The following CES1 variants were observed in gnomAD, a reference collection of about 807,000 sequenced individuals.
CES1 encodes carboxylesterase 1, also known as liver carboxylesterase 1.
In CES1, 50 loss-of-function variants were observed where a neutral mutation model predicts 53.0. That is an observed-to-expected ratio of 0.94 (90% confidence interval 0.75 to 1.19). CES1 has a LOEUF of 1.19. Among genes scored for constraint, CES1 ranks in the 50% most tolerant of loss-of-function variants. CES1 has a pLI of 0.00. For missense variants in CES1, 534 were observed against 538.0 expected (o/e 0.99, Z 0.07); for synonymous variants, 202 against 210.1 (o/e 0.96, Z 0.33).
chr16:55,815,459 A>C (rs1310402246), intron 8 of CES1, among the ~76,000 whole-genome samples: 1 of 152,248 alleles, frequency 6.6e-6, no homozygotes, highest in Non-Finnish European at 1.5e-5. Context: ...GTTGGGTGAC[A>C]GCCATGCTGG....
chr16:55,811,676 A>G (rs1200535730), intron 9 of CES1, among the ~76,000 whole-genome samples: 1 of 152,166 alleles, frequency 6.6e-6, no homozygotes, highest in Non-Finnish European at 1.5e-5. Context: ...GCTCCAGCCA[A>G]AACCTGGAGA....
intron 7 of CES1, among the ~76,000 whole-genome samples, chr16:55,819,332 A>T (rs1187210933): frequency 6.6e-6 from 1 of 152,230 alleles, no homozygotes; most frequent in Non-Finnish European, 1.5e-5. Context: ...ATTGTTACAC[A>T]ATTTTTTATC....
At chr16:55,810,096 G>C (rs2031620541) in intron 11 of CES1, among the ~76,000 whole-genome samples, 1 of 152,130 alleles carries the variant, frequency 6.6e-6, no homozygotes, top group Non-Finnish European at 1.5e-5. Flanking sequence ...TTCAACCAAT[G>C]ACAAGTAGAA....
At chr16:55,830,025 C>T (rs2032576613) in intron 1 of CES1, among the ~76,000 whole-genome samples, 1 of 152,210 alleles carries the variant, frequency 6.6e-6, no homozygotes, top group South Asian at 2.1e-4. Context: ...CTCTGAGCTT[C>T]CCTCCTAGGA....
chr16:55,830,773 A>AGAAGGAAGGAAGGAAGGAAGGAAG lies in CES1; in HGVS notation c.53-1823_53-1800dup, dbSNP rs1200351837. 2.0e-3 allele frequency among the ~76,000 whole-genome samples: 157 copies of AGAAGGAAGGAAGGAAGGAAGGAAG among 76,936 alleles called. 1 individual carries two copies. The highest frequency in any genetic ancestry group is 4.4e-3 in the African/African-American group (85 of 19,364). 50.5% of individuals were successfully genotyped at this position (76,936 alleles called of 152,430 possible). A position where few individuals can be genotyped will look rare whatever the true frequency, so the allele number is the denominator to read the frequency against. On this transcript the variant is annotated intron_variant, in intron 1 of 13. Coordinates refer to ENST00000360526, the MANE Select transcript of CES1 (RefSeq NM_001025195.2). Reference sequence around the variant, plus strand: ...AGGAAGGAAAGAAGGAAGGAAGGAAAGAAGGAAGGAAGGAAGGAAGGAAGG... The same window carrying AGAAGGAAGGAAGGAAGGAAGGAAG: ...AGGAAGGAAAGAAGGAAGGAAGGAAAGAAGGAAGGAAGGAAGGAAGGAAGGAAGGAAGGAAGGAAGGAAGGAAGG...
Position 55,820,577 on chromosome 16 carries a change from C to A in CES1, c.694-98G>T, listed in dbSNP as rs1482162190. ...TAGATCTACTCCACTATAAAACCAA[C>A]ACGGGACTGAGGAATCCAGTAGTGG... On this transcript the variant is annotated intron_variant, in intron 5 of 13. Transcript: ENST00000360526. 9 of 1,587,452 alleles carry A rather than the reference C, an allele frequency of 5.7e-6. No individual in the cohort carries two copies. In the Admixed American group the frequency reaches 1.4e-4, roughly 25 times the overall value.
chr16:55,810,917 A>G lies in CES1; in HGVS notation c.1170+10T>C. 6.2e-7 allele frequency: 1 copy of G among 1,610,664 alleles called. No individual in the cohort carries two copies. Among genetic ancestry groups the G allele is most frequent in the Non-Finnish European group, 8.5e-7 (1 of 1,177,232 alleles). On this transcript the variant is annotated intron_variant, in intron 10 of 13. Coordinates refer to ENST00000360526, the MANE Select transcript of CES1 (RefSeq NM_001025195.2). Reference sequence around the variant, plus strand: ...GTCTCAGCCAATTCCCATGATTCCTAGACTCTTACAACAAGGGGATAGGAC... The same window carrying G: ...GTCTCAGCCAATTCCCATGATTCCTGGACTCTTACAACAAGGGGATAGGAC...
intron 3 of CES1, among the ~76,000 whole-genome samples, chr16:55,823,919 C>G (rs1193267043): frequency 6.6e-6 from 1 of 152,242 alleles, no homozygotes; most frequent in South Asian, 2.1e-4. Context: ...TTCTACCCAG[C>G]CTCCAGTGCC....
At chr16:55,830,383 AC>A (rs2032588829) in intron 1 of CES1, among the ~76,000 whole-genome samples, 1 of 152,086 alleles carries the variant, frequency 6.6e-6, no homozygotes, top group South Asian at 2.1e-4. Flanking sequence ...GGTGATTTCC[AC>A]CTTTTCAGCA....
intron 8 of CES1, among the ~76,000 whole-genome samples, chr16:55,815,253 G>T (rs568475105): frequency 1.8e-4 from 27 of 152,330 alleles, no homozygotes; most frequent in African/African-American, 6.3e-4. Context: ...GTGCACGCAG[G>T]TGTGTTTTGA....
intron 2 of CES1, among the ~76,000 whole-genome samples, chr16:55,827,151 G>A (rs2032450444): frequency 6.6e-6 from 1 of 152,032 alleles, no homozygotes; most frequent in African/African-American, 2.4e-5. Context: ...AGGTACATGA[G>A]GAAACTGAGG....
intron 1 of CES1, among the ~76,000 whole-genome samples, chr16:55,830,991 G>A (rs1452382850): frequency 1.3e-5 from 2 of 152,190 alleles, no homozygotes; most frequent in Non-Finnish European, 2.9e-5. Context: ...GCTCGGTGGA[G>A]ATGTGAGTGG....
intron 3 of CES1, among the ~76,000 whole-genome samples, chr16:55,824,881 G>A (rs1341232819): frequency 2.6e-5 from 4 of 152,224 alleles, no homozygotes; most frequent in Non-Finnish European, 4.4e-5. Flanking sequence ...TGTAGTTCTA[G>A]AGCCTGTGGC....
rs759230708 is a variant in CES1, at chr16:55,829,198, T to TA, written c.53-225dup. Reference sequence around the variant, plus strand: ...AATTGGAGGCATAAAAACATCCAGCTAAAAATAAATGCAAGAAGGAGAGCT... The same window carrying TA: ...AATTGGAGGCATAAAAACATCCAGCTAAAAAATAAATGCAAGAAGGAGAGCT... On this transcript the variant is annotated intron_variant, in intron 1 of 13. Coordinates refer to ENST00000360526, the MANE Select transcript of CES1 (RefSeq NM_001025195.2). Among the ~76,000 whole-genome samples, 30 of 150,302 alleles carry TA rather than the reference T, an allele frequency of 2.0e-4. No individual in the cohort carries two copies. The East Asian group carries it at 3.3e-3, about 17-fold the overall frequency.
rs773276835 is a variant in CES1 at position 55,813,053 on chromosome 16, G to C, written c.946-10C>G. 13 of 1,613,758 alleles carry C rather than the reference G, an allele frequency of 8.1e-6. No individual in the cohort carries two copies. The highest frequency in any genetic ancestry group is 3.3e-4 in the Middle Eastern group (2 of 6,080). On this transcript the variant is annotated splice_polypyrimidine_tract_variant and intron_variant, in intron 8 of 13. Transcript: ENST00000360526. ...CCAGAAGGGGTTGACTCTGGGGAGA[G>C]AGCAGTGCAGCACCTGTGATTCCCT...
At position 55,833,009 on chromosome 16, in the gene CES1, G is replaced by A; in HGVS notation, c.47C>T (p.Ala16Val). 4 of 1,558,674 alleles carry A rather than the reference G, an allele frequency of 2.6e-6. No individual in the cohort carries two copies. The highest frequency in any genetic ancestry group is 3.5e-6 in the Non-Finnish European group (4 of 1,138,080). The stretch of plus-strand genomic sequence containing the variant: ...TTGATTTCAGAAGGACTCACCCCAA[G>A]CCGCGGAAGCAGAGAGAGTGGCCAG... ...FILATLSASAAWAGHPSSPPV... is the reference protein window; with the variant it reads ...FILATLSASAVWAGHPSSPPV... The change falls in exon 1 of 14, where the codon GCT becomes GTT. Residue 16 changes from alanine to valine, a missense_variant. Transcript: ENST00000360526.
chr16:55,831,555 G>T (rs149501555), intron 1 of CES1, among the ~76,000 whole-genome samples: 28 of 148,562 alleles, frequency 1.9e-4, no homozygotes, highest in Admixed American at 6.7e-4. Context: ...AATAAGCCTT[G>T]CTGGGTAGGC....
At chr16:55,832,366 C>T (rs1251207049) in intron 1 of CES1, among the ~76,000 whole-genome samples, 4 of 152,186 alleles carry the variant, frequency 2.6e-5, no homozygotes, top group Admixed American at 6.5e-5. Context: ...AGTGGCCTGA[C>T]CACAGCTCAA....
chr16:55,813,767 A>G (rs1259179438), intron 8 of CES1, among the ~76,000 whole-genome samples: 4 of 152,198 alleles, frequency 2.6e-5, no homozygotes, highest in African/African-American at 7.2e-5. Context: ...GCCAGACAGC[A>G]GCGCTACTCT....
Sources: gnomAD v4.1 joint callset for allele counts (sites outside exome capture counted in the v4.1 genomes callset) on GRCh38, gnomAD v4.1.1 for gene constraint, MANE v1.5 for transcripts, NCBI Gene and HGNC (gene_info 2026-07-23, HGNC 2026-07-21) for gene names.